The following AHCYL1 variants were observed in gnomAD, a reference collection of about 807,000 sequenced individuals.
AHCYL1 encodes the protein adenosylhomocysteinase like 1, also known as S-adenosylhomocysteine hydrolase-like protein 1.
In AHCYL1, 20 loss-of-function variants were observed where a neutral mutation model predicts 79.3. The observed-to-expected ratio is 0.25, with a 90% CI of 0.18 to 0.37. AHCYL1 has a LOEUF of 0.37. AHCYL1 is among the 10% of genes least tolerant of loss of function. The pLI is 1.00. For synonymous variants in AHCYL1, 223 were observed against 242.2 expected (o/e 0.92, Z 0.74); for missense variants, 330 against 673.6 (o/e 0.49, Z 5.65).
chr1:110,020,058 A>T (rs143462421), intron 15 of AHCYL1, among the ~76,000 whole-genome samples: 217 of 152,338 alleles, frequency 1.4e-3, no homozygotes, highest in African/African-American at 5.2e-3. Flanking sequence ...TTCATGTGAC[A>T]TAATACATCA....
rs938492862 is a variant in AHCYL1, at chr1:110,023,339, T to C, written c.*1659T>C. The stretch of plus-strand genomic sequence containing the variant: ...ACTCCTTGCCAGTGTGACCATGCTT[T>C]CTTCTCTGTAGATGTTAACAGTTAA... On this transcript the variant is annotated 3_prime_UTR_variant, in exon 17 of 17. Transcript: ENST00000369799. 4.6e-5 allele frequency: 7 copies of C among 152,644 alleles called. No individual in the cohort carries two copies. The highest frequency in any genetic ancestry group is 1.7e-4 in the African/African-American group (7 of 41,450). The allele number at this position is 152,644 out of a possible 1,614,324, so 9.5% of individuals were successfully genotyped here. A position where few individuals can be genotyped will look rare whatever the true frequency, so the allele number is the denominator to read the frequency against.
chr1:110,011,114 G>A, intron 2 of AHCYL1, 100 bp from the exon 3 acceptor site: 1 of 1,398,820 alleles, frequency 7.1e-7, no homozygotes, highest in Non-Finnish European at 9.7e-7. Flanking sequence ...AATTAAGGGT[G>A]TTCCCTTAAC....
At chr1:110,018,733 T>G in intron 13 of AHCYL1, 83 bp downstream of exon 13, 1 of 1,210,612 alleles carries the variant, frequency 8.3e-7, no homozygotes, top group Non-Finnish European at 1.2e-6. Context: ...AAACAAATAT[T>G]AGGCCTATGT....
intron 13 of AHCYL1, 165 bp from the exon 14 acceptor site, chr1:110,018,886 T>C: frequency 1.3e-6 from 1 of 757,714 alleles, no homozygotes; most frequent in Non-Finnish European, 2.2e-6. Context: ...CTCAGATGGA[T>C]TTGCAGAAAA....
chr1:110,003,326 T>G (rs1650425397), intron 1 of AHCYL1, among the ~76,000 whole-genome samples: 2 of 152,154 alleles, frequency 1.3e-5, no homozygotes, highest in Non-Finnish European at 2.9e-5. Context: ...TGTGAAAGTA[T>G]GCATGTGTAT....
At position 109,985,014 on chromosome 1, in the gene AHCYL1, G is replaced by C. The variant is rs1337780806; in HGVS notation, c.-39G>C. On this transcript the variant is annotated 5_prime_UTR_variant, in exon 1 of 17. Coordinates refer to ENST00000369799, the MANE Select transcript of AHCYL1 (RefSeq NM_006621.7). ...GCGGGCGCCAGAGGGGGAAAGAGGCGGGGGCGGCGGGTCAGCCGCTGGCCG... is the reference window on the plus strand; with the variant it reads ...GCGGGCGCCAGAGGGGGAAAGAGGCCGGGGCGGCGGGTCAGCCGCTGGCCG... 6.7e-7 allele frequency: 1 copy of C among 1,489,680 alleles called. No homozygotes were observed. Among genetic ancestry groups the C allele is most frequent in the Non-Finnish European group, 8.9e-7 (1 of 1,118,072 alleles). 92.3% of individuals were successfully genotyped at this position (1,489,680 alleles called of 1,614,324 possible).
chr1:110,016,495 G>A (rs749376899), intron 8 of AHCYL1, 35 bp downstream of exon 8: 1 of 1,586,186 alleles, frequency 6.3e-7, no homozygotes, highest in South Asian at 1.1e-5. Flanking sequence ...AACTTCTAGG[G>A]GCTCTGGTCT....
chr1:110,020,318 G>A (rs745687689), intron 15 of AHCYL1, among the ~76,000 whole-genome samples: 20 of 152,116 alleles, frequency 1.3e-4, no homozygotes, highest in Non-Finnish European at 2.6e-4. Flanking sequence ...GAGTGTTATT[G>A]ACACAGGGTC....
chr1:110,020,485 C>T (rs576460225), intron 15 of AHCYL1, among the ~76,000 whole-genome samples: 25 of 152,292 alleles, frequency 1.6e-4, no homozygotes, highest in African/African-American at 5.8e-4. Flanking sequence ...AGCCCACTCC[C>T]TTTTGTTACC....
rs1428877993 is a variant in AHCYL1 at position 110,020,529 on chromosome 1, G to A, written c.1466-202G>A. On this transcript the variant is annotated intron_variant, in intron 15 of 16. Coordinates refer to ENST00000369799, the MANE Select transcript of AHCYL1 (RefSeq NM_006621.7). ...TGGCTTTTCTGAACGCACTGTACATGTGCTGAGAGAAGCATCCTGCCCAGA... is the reference window on the plus strand; with the variant it reads ...TGGCTTTTCTGAACGCACTGTACATATGCTGAGAGAAGCATCCTGCCCAGA... Among the ~76,000 whole-genome samples the A allele has an allele frequency of 8.6e-5, 13 of 151,228 alleles. 1 individual carries two copies. Among genetic ancestry groups the A allele is most frequent in the Non-Finnish European group, 4.5e-5 (3 of 67,412 alleles).
rs1651576744 is a variant in AHCYL1 at position 110,018,561 on chromosome 1, C to T, written c.1228C>T (p.Arg410Cys). The change falls in exon 13 of 17, where the codon CGC becomes TGC. Residue 410 changes from arginine (R) to cysteine (C), a missense_variant. Transcript: ENST00000369799. ...SNTEIDVTSL[R>C]TPELTWERVR... ...GCTTTCTTCCTTTCAGACCAGCCTC[C>T]GCACTCCGGAGCTGACGTGGGAGCG... 1.2e-6 allele frequency: 2 copies of T among 1,613,968 alleles called. No homozygotes were observed. The highest frequency in any genetic ancestry group is 1.7e-6 in the Non-Finnish European group (2 of 1,180,028).
intron 1 of AHCYL1, among the ~76,000 whole-genome samples, chr1:110,001,966 A>G (rs903795365): frequency 1.3e-5 from 2 of 152,230 alleles, no homozygotes; most frequent in Non-Finnish European, 2.9e-5. Context: ...CTTCAATGAA[A>G]CCTTGACACG....
At position 110,022,384 on chromosome 1, in the gene AHCYL1, A is replaced by G. The variant is rs994582194; in HGVS notation, c.*704A>G. 6.6e-6 allele frequency: 1 copy of G among 152,118 alleles called. No homozygotes were observed. Among genetic ancestry groups the G allele is most frequent in the African/African-American group, 2.4e-5 (1 of 41,426 alleles). 9.4% of individuals were successfully genotyped at this position (152,118 alleles called of 1,614,324 possible). Reference sequence around the variant, plus strand: ...TTTATTTCTGTTGTCCAAAAAAAAAAAAAAAGAAAAGAAAAATTAAGGAGA... The same window carrying G: ...TTTATTTCTGTTGTCCAAAAAAAAAGAAAAAGAAAAGAAAAATTAAGGAGA... On this transcript the variant is annotated 3_prime_UTR_variant, in exon 17 of 17. Coordinates refer to ENST00000369799, the MANE Select transcript of AHCYL1 (RefSeq NM_006621.7).
intron 14 of AHCYL1, 77 bp from the exon 15 acceptor site, chr1:110,019,470 CT>C (rs1488313443): frequency 7.7e-7 from 1 of 1,304,320 alleles, no homozygotes; most frequent in Non-Finnish European, 1.1e-6. Flanking sequence ...TACCCAAATG[CT>C]GTTTAACCTG....
At chr1:109,986,627 A>AT (rs1177651886) in intron 1 of AHCYL1, among the ~76,000 whole-genome samples, 1 of 152,246 alleles carries the variant, frequency 6.6e-6, no homozygotes, top group Non-Finnish European at 1.5e-5. Context: ...AGAGGAAAGA[A>AT]TGGGAAAGCC....
chr1:110,013,056 C>A (rs1651154259), intron 5 of AHCYL1, 57 bp downstream of exon 5: 7 of 1,361,928 alleles, frequency 5.1e-6, no homozygotes, highest in African/African-American at 1.4e-5. Flanking sequence ...AAACATATAA[C>A]TTTTTTGTAT....
chr1:109,999,275 G>A (rs1439003818), intron 1 of AHCYL1, among the ~76,000 whole-genome samples: 2 of 152,146 alleles, frequency 1.3e-5, no homozygotes, highest in Non-Finnish European at 2.9e-5. Flanking sequence ...TTGTGTATAT[G>A]TGTGTGTATT....
intron 1 of AHCYL1, chr1:110,004,078 C>T (rs1192809893): frequency 1.0e-5 from 10 of 985,306 alleles, no homozygotes; most frequent in East Asian, 1.1e-4. Flanking sequence ...CACCTCTTCT[C>T]GCCGCGAGCA....
intron 1 of AHCYL1, among the ~76,000 whole-genome samples, chr1:109,988,710 G>A (rs1274470875): frequency 6.6e-6 from 1 of 152,188 alleles, no homozygotes; most frequent in Non-Finnish European, 1.5e-5. Flanking sequence ...TTTTGACCTA[G>A]GATCTGTGGA....
Sources: gnomAD v4.1 joint callset for allele counts (sites outside exome capture counted in the v4.1 genomes callset) on GRCh38, gnomAD v4.1.1 for gene constraint, MANE v1.5 for transcripts, NCBI Gene and HGNC (gene_info 2026-07-23, HGNC 2026-07-21) for gene names.